Variants in KIAA2012 observed in about 807,000 individuals in gnomAD.
KIAA2012 encodes the protein uncharacterized protein KIAA2012.
In KIAA2012, 125 loss-of-function variants were observed where a neutral mutation model predicts 150.6. That is an observed-to-expected ratio of 0.83 (90% CI 0.72 to 0.96). The LOEUF (loss-of-function observed/expected upper bound fraction) is 0.96, where lower values mean the gene tolerates loss of function less well. Among genes scored for constraint, KIAA2012 ranks in the 40% least tolerant of loss-of-function variants. KIAA2012 has a pLI of 0.00. For synonymous variants in KIAA2012, 462 were observed against 504.7 expected (o/e 0.92, Z 1.13); for missense variants, 1,219 against 1,354.9 (o/e 0.90, Z 1.57).
At position 202,113,430 on chromosome 2, in the gene KIAA2012, G is replaced by A. The variant is rs1032411535; in HGVS notation, c.1746G>A (p.Ala582=). The change falls in exon 11 of 24, where the codon GCG becomes GCA. Residue 582 remains alanine (A), a synonymous_variant. Coordinates refer to ENST00000498697, the MANE Select transcript of KIAA2012 (RefSeq NM_001277372.4). ...LSLPGHTQTE[A]LPSGKAYESV... ...TCCCAGGGCATACCCAAACCGAGGC[G>A]CTTCCATCGGGTAAAGGTAAGCTAA... The A allele has an allele frequency of 2.1e-5, 32 of 1,549,580 alleles. No individual in the cohort carries two copies. In the East Asian group the frequency reaches 3.4e-4, roughly 17 times the overall value.
At chr2:202,185,264 G>C (rs1692204960) in intron 16 of KIAA2012, among the ~76,000 whole-genome samples, 1 of 152,120 alleles carries the variant, frequency 6.6e-6, no homozygotes, top group South Asian at 2.1e-4. Context: ...AGCCCGTATT[G>C]AGTGCTTCCC....
chr2:202,162,946 A>AC (rs1217851539), intron 14 of KIAA2012, among the ~76,000 whole-genome samples: 1 of 143,370 alleles, frequency 7.0e-6, no homozygotes, highest in East Asian at 2.1e-4. Flanking sequence ...AAAAAAAAAA[A>AC]AGAGATGCTT....
At chr2:202,202,880 C>T (rs912194148) in intron 23 of KIAA2012, among the ~76,000 whole-genome samples, 3 of 151,390 alleles carry the variant, frequency 2.0e-5, no homozygotes, top group Admixed American at 6.6e-5. Context: ...TGAGCTATGA[C>T]GGTGCCACTG....
At chr2:202,199,068 A>C (rs1213911614) in intron 22 of KIAA2012, among the ~76,000 whole-genome samples, 1 of 152,224 alleles carries the variant, frequency 6.6e-6, no homozygotes, top group Non-Finnish European at 1.5e-5. Flanking sequence ...ACACGAGAAG[A>C]AAACTGACGG....
At chr2:202,129,353 G>A (rs142276384) in intron 12 of KIAA2012, among the ~76,000 whole-genome samples, 322 of 151,684 alleles carry the variant, frequency 2.1e-3, no homozygotes, top group Non-Finnish European at 4.0e-3. Flanking sequence ...TCTACTAGGT[G>A]GGATTACGGG....
intron 2 of KIAA2012, among the ~76,000 whole-genome samples, chr2:202,081,214 G>A (rs1261302968): frequency 6.6e-6 from 1 of 152,182 alleles, no homozygotes; most frequent in African/African-American, 2.4e-5. Context: ...ATAGTCCCTT[G>A]TATGTATACA....
At chr2:202,202,324 TCTAA>T (rs1692547446) in intron 22 of KIAA2012, 101 bp from the exon 23 acceptor site, 2 of 400,722 alleles carry the variant, frequency 5.0e-6, no homozygotes, top group African/African-American at 2.1e-5. Flanking sequence ...CAGCCCGAAG[TCTAA>T]CTGATAATTA....
intron 11 of KIAA2012, among the ~76,000 whole-genome samples, chr2:202,121,449 C>T (rs1690650734): frequency 1.3e-5 from 2 of 152,132 alleles, no homozygotes; most frequent in Admixed American, 1.3e-4. Flanking sequence ...GGTTGAACCT[C>T]AAAGAAGGCC....
At chr2:202,169,671 C>G (rs939158875) in intron 15 of KIAA2012, among the ~76,000 whole-genome samples, 4 of 152,168 alleles carry the variant, frequency 2.6e-5, no homozygotes, top group African/African-American at 9.7e-5. Flanking sequence ...CTAGCTAGCA[C>G]CTGGGAGCTT....
rs1482538101 is a variant in KIAA2012, at chr2:202,099,771, C to G, written c.987C>G (p.Phe329Leu). 1.9e-6 allele frequency: 3 copies of G among 1,549,850 alleles called. No homozygotes were observed. Among genetic ancestry groups the G allele is most frequent in the Non-Finnish European group, 2.6e-6 (3 of 1,146,740 alleles). Reference protein sequence around the residue: ...KSHITFCGGAFPNRKADLSDK... With the variant: ...KSHITFCGGALPNRKADLSDK... Reference sequence around the variant, plus strand: ...ACATTACATTCTGTGGAGGCGCCTTCCCTAATAGGAAGGCAGATCTCAGCG... The same window carrying G: ...ACATTACATTCTGTGGAGGCGCCTTGCCTAATAGGAAGGCAGATCTCAGCG... Residue 329 changes from phenylalanine (F) to leucine (L), a missense_variant, in exon 6 of 24, where the codon TTC becomes TTG. Phe to Leu is a conservative substitution (Grantham distance 22). Coordinates refer to ENST00000498697, the MANE Select transcript of KIAA2012 (RefSeq NM_001277372.4).
At chr2:202,107,253 A>G (rs1189787487) in intron 9 of KIAA2012, among the ~76,000 whole-genome samples, 1 of 151,670 alleles carries the variant, frequency 6.6e-6, no homozygotes, top group Non-Finnish European at 1.5e-5. Flanking sequence ...ATAAAAAAAG[A>G]ATAAAAGAAT....
chr2:202,096,155 G>T (rs1291858664), intron 4 of KIAA2012, among the ~76,000 whole-genome samples: 1 of 151,974 alleles, frequency 6.6e-6, no homozygotes, highest in Non-Finnish European at 1.5e-5. Flanking sequence ...AAATGCATTT[G>T]GTTCCAGGTG....
At chr2:202,149,998 G>A (rs1691388843) in intron 13 of KIAA2012, among the ~76,000 whole-genome samples, 1 of 152,214 alleles carries the variant, frequency 6.6e-6, no homozygotes, top group African/African-American at 2.4e-5. Flanking sequence ...TATTATATAT[G>A]TGTGTAAGTC....
chr2:202,077,834 A>AAAAAG (rs1365930419), intron 2 of KIAA2012, among the ~76,000 whole-genome samples: 1 of 152,194 alleles, frequency 6.6e-6, no homozygotes, highest in African/African-American at 2.4e-5. Context: ...CAAATTATTT[A>AAAAAG]AAAAGAAAAG....
intron 11 of KIAA2012, among the ~76,000 whole-genome samples, chr2:202,118,112 TA>T: frequency 6.6e-6 from 1 of 152,292 alleles, no homozygotes; most frequent in Admixed American, 6.5e-5. Flanking sequence ...TTTTATTCTC[TA>T]AACATCAGTT....
At chr2:202,140,966 G>C (rs1691186083) in intron 13 of KIAA2012, among the ~76,000 whole-genome samples, 1 of 152,134 alleles carries the variant, frequency 6.6e-6, no homozygotes, top group South Asian at 2.1e-4. Flanking sequence ...AGCTGAGCGA[G>C]GGGAAGACAT....
intron 12 of KIAA2012, 28 bp from the exon 13 acceptor site, chr2:202,138,404 C>G (rs1439175646): frequency 1.3e-6 from 2 of 1,533,084 alleles, no homozygotes; most frequent in Admixed American, 3.9e-5. Context: ...CCACCTTGAT[C>G]TTTTTTCCTC....
intron 14 of KIAA2012, 109 bp downstream of exon 14, chr2:202,154,919 C>G: frequency 7.9e-7 from 1 of 1,264,222 alleles, no homozygotes; most frequent in Non-Finnish European, 1.1e-6. Flanking sequence ...CTCAGAGCTC[C>G]TGCATTATCA....
intron 6 of KIAA2012, 79 bp downstream of exon 6, chr2:202,099,875 CA>C: frequency 8.3e-7 from 1 of 1,211,860 alleles, no homozygotes; most frequent in Non-Finnish European, 1.1e-6. Flanking sequence ...TGAGGCATGC[CA>C]AACATCACTT....
Sources: allele counts gnomAD v4.1 joint callset (sites outside exome capture counted in the v4.1 genomes callset), GRCh38; gene constraint gnomAD v4.1.1; transcripts MANE v1.5; gene names NCBI Gene and HGNC (gene_info 2026-07-23, HGNC 2026-07-21).